The following SYT1 variants were observed in gnomAD, a reference collection of about 807,000 sequenced individuals.
SYT1 encodes synaptotagmin 1.
In SYT1, 8 loss-of-function variants were observed where a neutral mutation model predicts 44.8. The observed-to-expected ratio is 0.18, with a 90% CI of 0.10 to 0.32. The LOEUF (loss-of-function observed/expected upper bound fraction) is 0.32, where lower values mean the gene tolerates loss of function less well. Among genes scored for constraint, SYT1 ranks in the 10% least tolerant of loss-of-function variants. The probability of loss-of-function intolerance (pLI) is 1.00; values close to 1 mark genes in which losing one functional copy is unlikely to be tolerated. For synonymous variants in SYT1, 154 were observed against 188.8 expected, an observed-to-expected ratio of 0.82 and a Z score of 1.51; for missense variants, 286 against 509.3, an observed-to-expected ratio of 0.56 and a Z score of 4.22.
chr12:79,179,057 TATA>T (rs1872144675), intron 3 of SYT1, among the ~76,000 whole-genome samples: 2 of 113,228 alleles, frequency 1.8e-5, no homozygotes, highest in South Asian at 5.4e-4. Flanking sequence ...GATATATAGA[TATA>T]GATATAGATA....
At chr12:79,043,926 G>A (rs892883687) in intron 2 of SYT1, among the ~76,000 whole-genome samples, 2 of 152,064 alleles carry the variant, frequency 1.3e-5, no homozygotes, top group Non-Finnish European at 1.5e-5. Context: ...GTCGAAAATT[G>A]TTTTCTTTAA....
chr12:79,297,859 C>T (rs1319301267), intron 7 of SYT1, among the ~76,000 whole-genome samples: 1 of 152,100 alleles, frequency 6.6e-6, no homozygotes, highest in African/African-American at 2.4e-5. Context: ...ACTCAACATG[C>T]CCCAAATTAA....
intron 3 of SYT1, among the ~76,000 whole-genome samples, chr12:79,179,141 G>T (rs1194855296): frequency 3.5e-5 from 4 of 115,844 alleles, no homozygotes; most frequent in Admixed American, 9.4e-5. Flanking sequence ...TATAGATATA[G>T]ATATAGATAT....
At chr12:79,020,644 G>A (rs770200050) in intron 2 of SYT1, among the ~76,000 whole-genome samples, 33 of 151,794 alleles carry the variant, frequency 2.2e-4, no homozygotes, top group Non-Finnish European at 4.1e-4. Context: ...GAAAATAGAT[G>A]GATACATCCA....
At chr12:78,919,014 C>A (rs1027934898) in intron 1 of SYT1, among the ~76,000 whole-genome samples, 4 of 151,732 alleles carry the variant, frequency 2.6e-5, no homozygotes, top group African/African-American at 9.7e-5. Flanking sequence ...AAGATTATAA[C>A]GAAAATTTTA....
At chr12:78,989,477 GC>G (rs934864390) in intron 2 of SYT1, among the ~76,000 whole-genome samples, 5 of 151,940 alleles carry the variant, frequency 3.3e-5, no homozygotes, top group African/African-American at 1.2e-4. Flanking sequence ...TCAGGGCCTA[GC>G]CCCCCCGTTC....
At chr12:79,321,242 CA>C (rs1881344619) in intron 8 of SYT1, among the ~76,000 whole-genome samples, 1 of 152,118 alleles carries the variant, frequency 6.6e-6, no homozygotes, top group South Asian at 2.1e-4. Flanking sequence ...AAATTTAAAT[CA>C]AAAGTTTGCC....
intron 3 of SYT1, among the ~76,000 whole-genome samples, chr12:79,131,396 T>G (rs962171049): frequency 1.3e-5 from 2 of 152,054 alleles, no homozygotes; most frequent in African/African-American, 2.4e-5. Flanking sequence ...GTTTTTTTGT[T>G]TGTTTGTTTG....
intron 3 of SYT1, among the ~76,000 whole-genome samples, chr12:79,150,937 GA>G (rs972400829): frequency 6.6e-6 from 1 of 151,784 alleles, no homozygotes; most frequent in Non-Finnish European, 1.5e-5. Flanking sequence ...TAAGTGCCTA[GA>G]AAAAAGGAAA....
At chr12:79,134,407 C>T (rs750133178) in intron 3 of SYT1, among the ~76,000 whole-genome samples, 3 of 152,122 alleles carry the variant, frequency 2.0e-5, no homozygotes, top group Non-Finnish European at 2.9e-5. Flanking sequence ...GAAGAATTGA[C>T]TGGGTATTCA....
At chr12:79,248,798 A>G (rs1007465123) in intron 4 of SYT1, among the ~76,000 whole-genome samples, 1 of 152,220 alleles carries the variant, frequency 6.6e-6, no homozygotes, top group African/African-American at 2.4e-5. Flanking sequence ...TTGACATTCT[A>G]ATTGAGAGTT....
chr12:79,008,018 T>TA (rs1036044195), intron 2 of SYT1, among the ~76,000 whole-genome samples: 18 of 151,206 alleles, frequency 1.2e-4, no homozygotes, highest in African/African-American at 3.4e-4. Context: ...TCTAGTGAAA[T>TA]AAAAAAAAGA....
In SYT1 at chr12:79,033,830, A is replaced by G. The variant is rs143429656; in HGVS notation, c.-83-13467A>G. Among the ~76,000 whole-genome samples the G allele has an allele frequency of 3.9e-3, 595 of 151,614 alleles. 4 individuals carry two copies. The highest frequency in any genetic ancestry group is 0.013 in the African/African-American group (556 of 41,480). Reference sequence around the variant, plus strand: ...GTCTTTTGTGATTTCAAGTCTCCATATAACATATCTTACCCATCTCTCTAG... The same window carrying G: ...GTCTTTTGTGATTTCAAGTCTCCATGTAACATATCTTACCCATCTCTCTAG... On this transcript the variant is annotated intron_variant, in intron 2 of 10. Transcript: ENST00000261205.
chr12:79,034,035 A>C (rs2137683744), intron 2 of SYT1, among the ~76,000 whole-genome samples: 1 of 151,640 alleles, frequency 6.6e-6, no homozygotes. Context: ...TGAACTTCTC[A>C]TAAATTTATC....
intron 9 of SYT1, among the ~76,000 whole-genome samples, chr12:79,436,478 G>A (rs906950027): frequency 6.6e-6 from 1 of 152,108 alleles, no homozygotes; most frequent in Non-Finnish European, 1.5e-5. Flanking sequence ...TAAGAAAAAA[G>A]GCAATATAAT....
intron 2 of SYT1, among the ~76,000 whole-genome samples, chr12:78,995,211 C>T (rs543435637): frequency 6.6e-6 from 1 of 152,264 alleles, no homozygotes; most frequent in East Asian, 1.9e-4. Context: ...AACAAGAATC[C>T]CCAGGCATAG....
chr12:79,179,738 C>T (rs1349052784), intron 3 of SYT1, among the ~76,000 whole-genome samples: 4 of 151,784 alleles, frequency 2.6e-5, no homozygotes, highest in East Asian at 2.0e-4. Context: ...TAGTTTCTAA[C>T]GTCCTTGATC....
chr12:79,128,164 G>A (rs1044811732), intron 3 of SYT1, among the ~76,000 whole-genome samples: 2 of 152,118 alleles, frequency 1.3e-5, no homozygotes, highest in South Asian at 2.1e-4. Context: ...AGGCCAAGAC[G>A]GGGAGGATCT....
At position 78,979,376 on chromosome 12, in the gene SYT1, A is replaced by G. The variant is rs534237715; in HGVS notation, c.-84+1445A>G. The stretch of plus-strand genomic sequence containing the variant: ...ACATCTCAAAATGTGGTCTAAAGCC[A>G]ACCTACAAAAATACATGTTCTGAGT... On this transcript the variant is annotated intron_variant, in intron 2 of 10. Coordinates refer to ENST00000261205, the MANE Select transcript of SYT1 (RefSeq NM_005639.3). Among the ~76,000 whole-genome samples, 8 of 152,242 alleles carry G rather than the reference A, an allele frequency of 5.3e-5. No individual in the cohort carries two copies. In the East Asian group the frequency reaches 1.5e-3, roughly 29 times the overall value.
Sources: gnomAD v4.1 joint callset for allele counts (sites outside exome capture counted in the v4.1 genomes callset) on GRCh38, gnomAD v4.1.1 for gene constraint, MANE v1.5 for transcripts, NCBI Gene and HGNC (gene_info 2026-07-23, HGNC 2026-07-21) for gene names.